The following ZNF804B variants were observed in gnomAD, a reference collection of about 807,000 sequenced individuals.
ZNF804B encodes zinc finger 804B.
In ZNF804B, 80 loss-of-function variants were observed where a neutral mutation model predicts 101.4. That is an observed-to-expected ratio of 0.79 (90% CI 0.66 to 0.95). ZNF804B has a LOEUF of 0.95. Among genes scored for constraint, ZNF804B ranks in the 40% least tolerant of loss-of-function variants. The pLI, the probability that ZNF804B is intolerant of heterozygous loss-of-function variation, is 0.00. For missense variants in ZNF804B, 1,673 were observed against 1,561.9 expected (o/e 1.07, Z -1.20); for synonymous variants, 622 against 558.8 (o/e 1.11, Z -1.59).
At chr7:88,813,772 C>T (rs1038734909) in intron 1 of ZNF804B, among the ~76,000 whole-genome samples, 15 of 152,258 alleles carry the variant, frequency 9.9e-5, no homozygotes, top group African/African-American at 3.6e-4. Context: ...TCCACATAAA[C>T]TTATATATTT....
At chr7:89,168,390 G>A (rs1791174433) in intron 1 of ZNF804B, among the ~76,000 whole-genome samples, 1 of 151,982 alleles carries the variant, frequency 6.6e-6, no homozygotes, top group African/African-American at 2.4e-5. Context: ...TAGCATATCT[G>A]TGAGCTAAAC....
At chr7:88,877,096 G>A (rs1479742135) in intron 1 of ZNF804B, among the ~76,000 whole-genome samples, 3 of 95,712 alleles carry the variant, frequency 3.1e-5, no homozygotes, top group African/African-American at 1.3e-4. Flanking sequence ...GTCTCCCTCT[G>A]TCACCCAGGC....
chr7:89,019,398 CAT>C (rs1205344947), intron 1 of ZNF804B, among the ~76,000 whole-genome samples: 2 of 152,008 alleles, frequency 1.3e-5, no homozygotes, highest in African/African-American at 4.8e-5. Context: ...TGTATTCTAA[CAT>C]ATGGTCAAAT....
At chr7:89,088,149 T>A (rs1170232358) in intron 1 of ZNF804B, among the ~76,000 whole-genome samples, 1 of 152,088 alleles carries the variant, frequency 6.6e-6, no homozygotes, top group Non-Finnish European at 1.5e-5. Flanking sequence ...ATTGTTCCTC[T>A]CAGTGTTCTG....
At chr7:89,327,570 A>AT in intron 3 of ZNF804B, 96 bp downstream of exon 3, 1 of 1,479,772 alleles carries the variant, frequency 6.8e-7, no homozygotes. Context: ...AACAAATAAT[A>AT]ACTAACTAAT....
chr7:88,864,633 G>A (rs1654198927), intron 1 of ZNF804B, among the ~76,000 whole-genome samples: 2 of 152,128 alleles, frequency 1.3e-5, no homozygotes, highest in African/African-American at 4.8e-5. Flanking sequence ...TCAATGTATT[G>A]ATGTTAACTC....
chr7:89,120,583 G>A (rs1242342063), intron 1 of ZNF804B, among the ~76,000 whole-genome samples: 2 of 146,268 alleles, frequency 1.4e-5, no homozygotes, highest in Non-Finnish European at 3.0e-5. Context: ...GCGTGAACCC[G>A]GGAGGCGGAG....
intron 1 of ZNF804B, among the ~76,000 whole-genome samples, chr7:89,215,222 C>T (rs185898953): frequency 1.1e-3 from 168 of 152,168 alleles, no homozygotes; most frequent in Admixed American, 2.4e-3. Flanking sequence ...TTTAGTCTAA[C>T]GACCTTGTAA....
chr7:89,206,607 T>G (rs1342584388), intron 1 of ZNF804B, among the ~76,000 whole-genome samples: 1 of 151,814 alleles, frequency 6.6e-6, no homozygotes, highest in East Asian at 1.9e-4. Flanking sequence ...CAAAAATTAG[T>G]CAGGCATGGT....
chr7:89,335,130 T>C lies in ZNF804B; in HGVS notation c.2148T>C (p.Pro716=), dbSNP rs1480952724. 1 of 1,613,906 alleles carries C rather than the reference T, an allele frequency of 6.2e-7. No homozygotes were observed. Among genetic ancestry groups the C allele is most frequent in the East Asian group, 2.2e-5 (1 of 44,856 alleles). ...SRYSSSLDTS[P]SSMSSLRSTC... ...ATTCTTCCTCTTTGGACACATCCCCTAGCAGCATGTCTAGCTTGAGAAGTA... is the reference window on the plus strand; with the variant it reads ...ATTCTTCCTCTTTGGACACATCCCCCAGCAGCATGTCTAGCTTGAGAAGTA... The change falls in exon 4 of 4, where the codon CCT becomes CCC. Residue 716 remains proline, a synonymous_variant. Transcript: ENST00000333190.
At chr7:89,020,933 A>T (rs1343627603) in intron 1 of ZNF804B, among the ~76,000 whole-genome samples, 1 of 152,078 alleles carries the variant, frequency 6.6e-6, no homozygotes, top group Non-Finnish European at 1.5e-5. Context: ...TATTATTTTG[A>T]CATTTTTTTC....
intron 1 of ZNF804B, among the ~76,000 whole-genome samples, chr7:88,813,728 C>G (rs534598889): frequency 2.0e-5 from 3 of 152,194 alleles, no homozygotes; most frequent in African/African-American, 7.2e-5. Flanking sequence ...CATACCCGTC[C>G]TTTTTGAAAT....
chr7:89,248,179 A>C (rs1051929788), intron 2 of ZNF804B, among the ~76,000 whole-genome samples: 5 of 152,318 alleles, frequency 3.3e-5, no homozygotes, highest in Non-Finnish European at 7.4e-5. Context: ...CCTAGAAAAC[A>C]TACATAAGGG....
intron 2 of ZNF804B, among the ~76,000 whole-genome samples, chr7:89,287,372 A>G (rs577066978): frequency 6.6e-6 from 1 of 152,250 alleles, no homozygotes; most frequent in South Asian, 2.1e-4. Flanking sequence ...GCTCAAGGCT[A>G]TTGTCTTTGT....
At chr7:89,041,077 T>A (rs1275556017) in intron 1 of ZNF804B, among the ~76,000 whole-genome samples, 1 of 151,996 alleles carries the variant, frequency 6.6e-6, no homozygotes, top group Non-Finnish European at 1.5e-5. Context: ...GGAGCCTTGG[T>A]CCTTGGTAGC....
intron 3 of ZNF804B, among the ~76,000 whole-genome samples, chr7:89,330,475 AT>A (rs1256121538): frequency 6.6e-5 from 10 of 151,630 alleles, no homozygotes; most frequent in Non-Finnish European, 1.3e-4. Flanking sequence ...AATATATACA[AT>A]TTTTTTCCAG....
At chr7:89,307,363 T>G (rs1444462956) in intron 2 of ZNF804B, among the ~76,000 whole-genome samples, 1 of 152,038 alleles carries the variant, frequency 6.6e-6, no homozygotes, top group Non-Finnish European at 1.5e-5. Context: ...ATGAAATTAT[T>G]AAGTCAGTTA....
At chr7:88,873,512 C>G (rs542675618) in intron 1 of ZNF804B, among the ~76,000 whole-genome samples, 4,397 of 151,908 alleles carry the variant, frequency 0.029, 219 homozygotes, top group African/African-American at 0.098. Flanking sequence ...TGTTGCCATT[C>G]CTTTTGGTGT....
intron 1 of ZNF804B, among the ~76,000 whole-genome samples, chr7:88,878,079 A>T (rs1427237373): frequency 6.6e-6 from 1 of 152,194 alleles, no homozygotes; most frequent in Non-Finnish European, 1.5e-5. Context: ...AAATTAGTCA[A>T]TATGTACATT....
Sources: allele counts gnomAD v4.1 joint callset (sites outside exome capture counted in the v4.1 genomes callset), GRCh38; gene constraint gnomAD v4.1.1; transcripts MANE v1.5; gene names NCBI Gene and HGNC (gene_info 2026-07-23, HGNC 2026-07-21).